The following NAALADL2 variants were observed in gnomAD, a reference collection of about 807,000 sequenced individuals.
NAALADL2 encodes N-acetylated alpha-linked acidic dipeptidase like 2, also known as inactive N-acetylated-alpha-linked acidic dipeptidase-like protein 2.
Under a neutral mutation model 87.2 loss-of-function variants are expected in NAALADL2, and 76 were observed. The ratio of observed to expected loss-of-function variants is 0.87; its 90% confidence interval spans 0.72 to 1.05. The LOEUF is 1.05. Among genes scored for constraint, NAALADL2 ranks in the 50% least tolerant of loss-of-function variants. The pLI, the probability that NAALADL2 is intolerant of heterozygous loss-of-function variation, is 0.00. For synonymous variants in NAALADL2, 354 were observed against 331.0 expected, an observed-to-expected ratio of 1.07 and a Z score of -0.75; for missense variants, 1,089 against 945.8, an observed-to-expected ratio of 1.15 and a Z score of -1.99.
At chr3:174,632,993 GT>G (rs1722291012) in intron 2 of NAALADL2, among the ~76,000 whole-genome samples, 1 of 147,108 alleles carries the variant, frequency 6.8e-6, no homozygotes, top group Non-Finnish European at 1.5e-5. Context: ...CTGGCTCAAA[GT>G]ACAGTAAGTG....
At chr3:174,441,147 G>C (rs575326464) in intron 1 of NAALADL2, 5 of 152,140 alleles carry the variant, frequency 3.3e-5, no homozygotes, top group Non-Finnish European at 2.9e-5. Flanking sequence ...TACCCAAGCT[G>C]GCGCGACTGA....
chr3:174,723,783 A>AAAT lies in NAALADL2; in HGVS notation c.-114-13858_-114-13857insAAT, dbSNP rs397943341. Reference sequence around the variant, plus strand: ...AAAAAAAAAAAAAAAAAAAAAAAAAAGCCTAGATAGAAGTACAACTTAAAC... The same window carrying AAAT: ...AAAAAAAAAAAAAAAAAAAAAAAAAAAATGCCTAGATAGAAGTACAACTTAAAC... On this transcript the variant is annotated intron_variant, in intron 2 of 3. Transcript: ENST00000434257. 5.0e-4 allele frequency among the ~76,000 whole-genome samples: 73 copies of AAAT among 147,304 alleles called. 2 individuals carry two copies. The highest frequency in any genetic ancestry group is 1.4e-3 in the Admixed American group (21 of 14,598).
intron 13 of NAALADL2, among the ~76,000 whole-genome samples, chr3:175,788,086 CTGTTT>C (rs1752316109): frequency 1.5e-5 from 2 of 136,392 alleles, no homozygotes; most frequent in African/African-American, 5.8e-5. Context: ...AGTTTTTTAC[CTGTTT>C]TTTTTTTTTT....
At chr3:175,104,218 C>T (rs185182382) in intron 2 of NAALADL2, among the ~76,000 whole-genome samples, 11 of 152,202 alleles carry the variant, frequency 7.2e-5, no homozygotes, top group African/African-American at 1.4e-4. Flanking sequence ...AGACAGCTGA[C>T]GACTTATACA....
At chr3:175,780,923 G>C (rs539891745) in intron 13 of NAALADL2, among the ~76,000 whole-genome samples, 1 of 152,094 alleles carries the variant, frequency 6.6e-6, no homozygotes, top group Non-Finnish European at 1.5e-5. Flanking sequence ...TTGCCTTTGG[G>C]CTCAACTCTT....
At chr3:175,324,003 G>C (rs1455700130) in intron 4 of NAALADL2, among the ~76,000 whole-genome samples, 172 bp from the exon 5 acceptor site, 7 of 131,000 alleles carry the variant, frequency 5.3e-5, no homozygotes, top group Admixed American at 2.6e-4. Flanking sequence ...GGGCGACAGA[G>C]CGAGACTCCA....
chr3:175,724,172 G>T (rs1473631027), intron 11 of NAALADL2, among the ~76,000 whole-genome samples: 1 of 152,016 alleles, frequency 6.6e-6, no homozygotes, highest in African/African-American at 2.4e-5. Context: ...AAAGTATAAG[G>T]TCATATCACG....
At chr3:175,506,052 C>T (rs1730264712) in intron 9 of NAALADL2, among the ~76,000 whole-genome samples, 1 of 152,148 alleles carries the variant, frequency 6.6e-6, no homozygotes, top group African/African-American at 2.4e-5. Flanking sequence ...CCTAAGAATT[C>T]TGACTACTGC....
chr3:175,178,429 G>C (rs1235794519), intron 2 of NAALADL2, among the ~76,000 whole-genome samples: 3 of 151,928 alleles, frequency 2.0e-5, no homozygotes, highest in Non-Finnish European at 2.9e-5. Context: ...TTTATGTGTA[G>C]CAAAATTGAG....
chr3:175,798,053 ATTT>A (rs2108330787), intron 13 of NAALADL2, among the ~76,000 whole-genome samples: 2 of 152,176 alleles, frequency 1.3e-5, no homozygotes, highest in South Asian at 4.1e-4. Context: ...AAATGCAGAA[ATTT>A]ATTTTATGTA....
intron 3 of NAALADL2, among the ~76,000 whole-genome samples, chr3:174,786,797 AAAGACC>A (rs1716733837): frequency 6.6e-6 from 1 of 152,110 alleles, no homozygotes; most frequent in Non-Finnish European, 1.5e-5. Flanking sequence ...TGATAGTAAT[AAAGACC>A]AAGAGAACAT....
intron 9 of NAALADL2, among the ~76,000 whole-genome samples, chr3:175,487,913 A>T (rs1440301149): frequency 6.6e-6 from 1 of 152,188 alleles, no homozygotes; most frequent in Non-Finnish European, 1.5e-5. Context: ...CTGTATATCT[A>T]TCAAAGAACT....
intron 1 of NAALADL2, among the ~76,000 whole-genome samples, chr3:174,549,855 C>T (rs960142723): frequency 3.9e-5 from 6 of 151,974 alleles, no homozygotes; most frequent in East Asian, 1.9e-4. Context: ...CAAACAGTTC[C>T]GGTGATGGGG....
At chr3:175,583,237 C>T (rs1391494654) in intron 10 of NAALADL2, among the ~76,000 whole-genome samples, 1 of 151,972 alleles carries the variant, frequency 6.6e-6, no homozygotes, top group Non-Finnish European at 1.5e-5. Context: ...TATCACTAGC[C>T]CATAAAAAAG....
chr3:175,180,482 T>C (rs1339403202), intron 2 of NAALADL2, among the ~76,000 whole-genome samples: 3 of 151,954 alleles, frequency 2.0e-5, no homozygotes, highest in African/African-American at 7.2e-5. Flanking sequence ...TAATCATTGC[T>C]AGTGAAGGCA....
chr3:174,699,421 G>A (rs567463940), intron 2 of NAALADL2, among the ~76,000 whole-genome samples: 1 of 151,748 alleles, frequency 6.6e-6, no homozygotes, highest in African/African-American at 2.4e-5. Context: ...TTGAACCTGG[G>A]AGGCGGAGGT....
At chr3:175,431,428 A>G (rs1041971059) in intron 5 of NAALADL2, among the ~76,000 whole-genome samples, 6 of 152,118 alleles carry the variant, frequency 3.9e-5, no homozygotes, top group African/African-American at 1.4e-4. Context: ...TCACTGGCGT[A>G]ATGTGACTCA....
At chr3:175,087,733 A>G (rs965169286) in intron 1 of NAALADL2, among the ~76,000 whole-genome samples, 9 of 151,866 alleles carry the variant, frequency 5.9e-5, no homozygotes, top group Admixed American at 2.0e-4. Context: ...AGTCATCACC[A>G]CTCCCTAATC....
At chr3:174,692,524 A>G (rs1728672116) in intron 2 of NAALADL2, among the ~76,000 whole-genome samples, 1 of 152,128 alleles carries the variant, frequency 6.6e-6, no homozygotes, top group African/African-American at 2.4e-5. Context: ...TGGTTGTGCC[A>G]TTGGGATGAG....
Sources: gnomAD v4.1 joint callset for allele counts (sites outside exome capture counted in the v4.1 genomes callset) on GRCh38, gnomAD v4.1.1 for gene constraint, MANE v1.5 for transcripts, NCBI Gene and HGNC (gene_info 2026-07-23, HGNC 2026-07-21) for gene names.